Variants in EXOC3 observed in about 807,000 individuals in gnomAD.
EXOC3 encodes exocyst complex component 3, also known as SEC6-like 1.
Under a neutral mutation model 73.7 loss-of-function variants are expected in EXOC3, and 21 were observed. The ratio of observed to expected loss-of-function variants is 0.29; its 90% confidence interval spans 0.20 to 0.41. The LOEUF is 0.41. Among genes scored for constraint, EXOC3 ranks in the 10% least tolerant of loss-of-function variants. EXOC3 has a pLI of 1.00. For missense variants in EXOC3, 842 were observed against 985.1 expected, an observed-to-expected ratio of 0.85 and a Z score of 1.95; for synonymous variants, 410 against 389.1, an observed-to-expected ratio of 1.05 and a Z score of -0.63.
chr5:451,569 G>A (rs1242942004), intron 3 of EXOC3, among the ~76,000 whole-genome samples: 1 of 152,098 alleles, frequency 6.6e-6, no homozygotes, highest in East Asian at 1.9e-4. Context: ...AGTCATGTAC[G>A]AAACAGAGTG....
intron 7 of EXOC3, among the ~76,000 whole-genome samples, chr5:460,258 A>C (rs1434513449): frequency 2.0e-5 from 3 of 152,204 alleles, no homozygotes; most frequent in Admixed American, 1.3e-4. Flanking sequence ...GGTAAGCCGA[A>C]TAGCCCCTTC....
chr5:466,778 C>T lies in EXOC3; in HGVS notation c.2118C>T (p.Asp706=), dbSNP rs374390463. 1 of 1,613,382 alleles carries T rather than the reference C, an allele frequency of 6.2e-7. No individual in the cohort carries two copies. The highest frequency in any genetic ancestry group is 2.2e-5 in the East Asian group (1 of 44,880). ...LLAVRGDASR[D]MKQTIMETLE... ...CTGTGCGTGGGGACGCCAGCCGTGA[C>T]ATGAAGCAGACCATCATGGAGACCC... The change falls in exon 13 of 13, where the codon GAC becomes GAT. Residue 706 remains aspartate (D), a synonymous_variant. Transcript: ENST00000512944.
Position 453,676 on chromosome 5 carries a change from G to T in EXOC3, c.671G>T (p.Arg224Met). 6.2e-7 allele frequency: 1 copy of T among 1,613,944 alleles called. No homozygotes were observed. Among genetic ancestry groups the T allele is most frequent in the Non-Finnish European group, 8.5e-7 (1 of 1,179,880 alleles). Residue 224 changes from arginine (R) to methionine (M), a missense_variant, in exon 4 of 13, where the codon AGG (arginine) becomes ATG (methionine). Physicochemically the swap from Arg to Met is moderately conservative, Grantham distance 91. Transcript: ENST00000512944. Reference protein sequence around the residue: ...RIIEREEKIDRRILDRKKQTG... With the variant: ...RIIEREEKIDMRILDRKKQTG... ...ATTGAAAGGGAAGAGAAAATTGACA[G>T]GCGCATACTTGACCGGAAAAAGCAA...
intron 7 of EXOC3, among the ~76,000 whole-genome samples, chr5:460,379 A>G (rs1579742734): frequency 6.6e-6 from 1 of 151,852 alleles, no homozygotes; most frequent in African/African-American, 2.4e-5. Flanking sequence ...CTTGGATCCC[A>G]CTTATTGGTG....
chr5:453,623 C>G lies in EXOC3; in HGVS notation c.618C>G (p.Pro206=), dbSNP rs1737717580. The G allele has an allele frequency of 2.5e-6, 4 of 1,613,970 alleles. No individual in the cohort carries two copies. Among genetic ancestry groups the G allele is most frequent in the Non-Finnish European group, 3.4e-6 (4 of 1,179,882 alleles). The change falls in exon 4 of 13, where the codon CCC becomes CCG. Residue 206 remains proline, a synonymous_variant. Transcript: ENST00000512944. ...QRSLVTVRRD[P]TLLVSVVRII... is the part of the protein sequence containing the mutation. ...CACTGGTCACTGTCCGCCGTGACCCCACCTTGCTGGTCTCAGTTGTCAGGA... is the reference window on the plus strand; with the variant it reads ...CACTGGTCACTGTCCGCCGTGACCCGACCTTGCTGGTCTCAGTTGTCAGGA...
At chr5:446,388 C>A in intron 2 of EXOC3, 39 bp downstream of exon 2, 2 of 1,524,510 alleles carry the variant, frequency 1.3e-6, no homozygotes, top group South Asian at 2.6e-5. Context: ...CTGTCTTGGG[C>A]TTCAGGTTCT....
intron 6 of EXOC3, among the ~76,000 whole-genome samples, chr5:458,400 G>C (rs1018591520): frequency 6.6e-6 from 1 of 152,232 alleles, no homozygotes; most frequent in Non-Finnish European, 1.5e-5. Context: ...GGTGGATTTT[G>C]GGAGCGTCCA....
chr5:462,381 G>A (rs1280389855), intron 9 of EXOC3, 74 bp downstream of exon 9: 1 of 1,544,680 alleles, frequency 6.5e-7, no homozygotes, highest in African/African-American at 1.4e-5. Flanking sequence ...CTGGGACACA[G>A]GCTGTGAACT....
At chr5:456,836 T>C in intron 4 of EXOC3, 53 bp from the exon 5 acceptor site, 1 of 1,354,274 alleles carries the variant, frequency 7.4e-7, no homozygotes, top group Non-Finnish European at 1.1e-6. Context: ...CACTTGGGCA[T>C]GCTCTTCTGT....
Position 462,239 on chromosome 5 carries a change from G to T in EXOC3, c.1585G>T (p.Gly529Trp). The change falls in exon 9 of 13, where the codon GGG becomes TGG. Residue 529 changes from glycine to tryptophan, a missense_variant. Gly to Trp is a radical substitution (Grantham distance 184). Transcript: ENST00000512944. ...GTCTCCGAGCCAGCCCAGCATGGAC[G>T]GGATTTTAGACGCCATCGCGAAGGA... ...GVSPSQPSMD[G>W]ILDAIAKEGC... 6.2e-7 allele frequency: 1 copy of T among 1,613,978 alleles called. No individual in the cohort carries two copies.
rs184989425 is a variant in EXOC3, at chr5:466,937, G to C, written c.*39G>C. The C allele has an allele frequency of 2.6e-6, 4 of 1,545,734 alleles. No homozygotes were observed. The Admixed American group carries it at 7.9e-5, about 31-fold the overall frequency. On this transcript the variant is annotated 3_prime_UTR_variant, in exon 13 of 13. Coordinates refer to ENST00000512944, the MANE Select transcript of EXOC3 (RefSeq NM_007277.5). ...GCCCTGCTCGCCCCTCCACAGCCTC[G>C]GTCCCTGCCTTTAGAAACGCGGGAC... is the stretch of plus-strand genomic sequence containing the variant.
rs1737916014 is a variant in EXOC3 at position 459,365 on chromosome 5, G to A, written c.1297G>A (p.Glu433Lys). The A allele has an allele frequency of 1.3e-6, 2 of 1,540,384 alleles. No homozygotes were observed. Among genetic ancestry groups the A allele is most frequent in the African/African-American group, 1.4e-5 (1 of 73,622 alleles). ...TAAGTTCTCTGATTTTTAGATGTTT[G>A]AACAGAATCTTCAAGTTGCTGCTCA... ...TLPAIVFQMFEQNLQVAAQIS... is the reference protein window; with the variant it reads ...TLPAIVFQMFKQNLQVAAQIS... Residue 433 changes from glutamate (E) to lysine (K), a missense_variant, in exon 7 of 13, where the codon GAA becomes AAA. Glu to Lys is a moderately conservative substitution (Grantham distance 56, BLOSUM62 1). Coordinates refer to ENST00000512944, the MANE Select transcript of EXOC3 (RefSeq NM_007277.5).
intron 3 of EXOC3, 81 bp from the exon 4 acceptor site, chr5:453,289 C>T: frequency 9.4e-7 from 1 of 1,062,138 alleles, no homozygotes; most frequent in Non-Finnish European, 1.4e-6. Context: ...TCCTGCTCTG[C>T]CGTGTTCCCA....
rs778451313 is a variant in EXOC3 at position 456,935 on chromosome 5, G to A, written c.1093G>A (p.Gly365Ser). ...NVELAPEVDV[G>S]TLEPLLSPHV... ...GGAGCTGGCCCCGGAAGTGGATGTCGGCACCCTGGAGCCATTGCTTTCTCC... is the reference window on the plus strand; with the variant it reads ...GGAGCTGGCCCCGGAAGTGGATGTCAGCACCCTGGAGCCATTGCTTTCTCC... The change falls in exon 5 of 13, where the codon GGC (glycine) becomes AGC (serine). Residue 365 changes from glycine to serine, a missense_variant. By Grantham distance (56) the Gly-to-Ser change is moderately conservative (BLOSUM62 0). Transcript: ENST00000512944. 8 of 1,614,014 alleles carry A rather than the reference G, an allele frequency of 5.0e-6. No homozygotes were observed. The highest frequency in any genetic ancestry group is 5.9e-6 in the Non-Finnish European group (7 of 1,179,870).
intron 4 of EXOC3, among the ~76,000 whole-genome samples, chr5:455,402 T>C (rs1450764209): frequency 2.6e-5 from 4 of 152,258 alleles, no homozygotes; most frequent in South Asian, 2.1e-4. Flanking sequence ...GAGGTTGAAG[T>C]GCTCCACTAG....
chr5:459,275 G>T (rs1022671393), intron 6 of EXOC3, 84 bp from the exon 7 acceptor site: 3 of 515,084 alleles, frequency 5.8e-6, no homozygotes, highest in Non-Finnish European at 6.6e-6. Context: ...GTTAGCAGAT[G>T]GAGGTTTCAT....
In EXOC3 at chr5:461,974, C is replaced by T. The variant is rs759033187; in HGVS notation, c.1406C>T (p.Ala469Val). ...NSFLSRYKDE[A>V]QLYKEEHLRN... ...TCTGTCCTCAGATATAAAGATGAAG[C>T]GCAGCTGTATAAAGAAGAGCACCTG... The change falls in exon 8 of 13, where the codon GCG (alanine) becomes GTG (valine). Residue 469 changes from alanine to valine, a missense_variant. Transcript: ENST00000512944. 20 of 1,592,284 alleles carry T rather than the reference C, an allele frequency of 1.3e-5. No individual in the cohort carries two copies. Among genetic ancestry groups the T allele is most frequent in the Non-Finnish European group, 9.4e-6 (11 of 1,169,184 alleles).
Position 465,801 on chromosome 5 carries a change from C to T in EXOC3, c.2022C>T (p.Leu674=). 3 of 1,613,324 alleles carry T rather than the reference C, an allele frequency of 1.9e-6. No individual in the cohort carries two copies. Among genetic ancestry groups the T allele is most frequent in the South Asian group, 2.2e-5 (2 of 90,870 alleles). ...TCAAGCTGACAGACCCTTCTCTGCT[C>T]TACCTGGAGGTCTCCACTCTGGTCA... The part of the protein sequence containing the change: ...EVIKLTDPSL[L]YLEVSTLVSK... The change falls in exon 12 of 13, where the codon CTC becomes CTT. Residue 674 remains leucine (L), a synonymous_variant. Coordinates refer to ENST00000512944, the MANE Select transcript of EXOC3 (RefSeq NM_007277.5).
chr5:457,112 T>C (rs1737841608), intron 5 of EXOC3, 106 bp downstream of exon 5: 2 of 760,012 alleles, frequency 2.6e-6, no homozygotes, highest in Non-Finnish European at 4.5e-6. Flanking sequence ...AGCGTTGACT[T>C]CCTAGGATGC....
Sources: allele counts gnomAD v4.1 joint callset (sites outside exome capture counted in the v4.1 genomes callset), GRCh38; gene constraint gnomAD v4.1.1; transcripts MANE v1.5; gene names NCBI Gene and HGNC (gene_info 2026-07-23, HGNC 2026-07-21).